Variants in LRMDA observed in about 807,000 individuals in gnomAD.
LRMDA encodes the protein leucine rich melanocyte differentiation associated.
In LRMDA, 18 loss-of-function variants were observed where a neutral mutation model predicts 29.8. That is an observed-to-expected ratio of 0.60 (90% CI 0.42 to 0.90). The LOEUF is 0.90. Among genes scored for constraint, LRMDA ranks in the 40% least tolerant of loss-of-function variants. The pLI, the probability that LRMDA is intolerant of heterozygous loss-of-function variation, is 0.00. For synonymous variants in LRMDA, 125 were observed against 109.4 expected, an observed-to-expected ratio of 1.14 and a Z score of -0.89; for missense variants, 273 against 273.9, an observed-to-expected ratio of 1.00 and a Z score of 0.02.
At chr10:76,231,717 T>C (rs959609623) in intron 5 of LRMDA, among the ~76,000 whole-genome samples, 29 of 152,128 alleles carry the variant, frequency 1.9e-4, no homozygotes, top group Admixed American at 3.9e-4. Flanking sequence ...ACCCCTCTAA[T>C]GATGAAAAAA....
At chr10:75,734,581 G>A (rs1053094577) in intron 2 of LRMDA, among the ~76,000 whole-genome samples, 8 of 152,142 alleles carry the variant, frequency 5.3e-5, no homozygotes, top group African/African-American at 1.9e-4. Context: ...AAATACATGA[G>A]TTACCATGGA....
intron 2 of LRMDA, among the ~76,000 whole-genome samples, chr10:76,023,157 A>G (rs1848005636): frequency 6.6e-6 from 1 of 151,778 alleles, no homozygotes; most frequent in Non-Finnish European, 1.5e-5. Flanking sequence ...TCCATCCATT[A>G]TGGCTTCTTA....
chr10:76,545,426 A>G (rs1843408369), intron 6 of LRMDA, among the ~76,000 whole-genome samples: 2 of 151,602 alleles, frequency 1.3e-5, no homozygotes, highest in Admixed American at 1.3e-4. Flanking sequence ...ATTTCTTCAT[A>G]CAAGATTCTG....
chr10:76,259,912 T>C (rs1248724911), intron 5 of LRMDA, among the ~76,000 whole-genome samples: 3 of 152,126 alleles, frequency 2.0e-5, no homozygotes, highest in African/African-American at 4.8e-5. Flanking sequence ...TTGCTTTTGG[T>C]TTCTCTTTGT....
chr10:76,008,315 C>T (rs1847710182), intron 2 of LRMDA, among the ~76,000 whole-genome samples: 1 of 152,150 alleles, frequency 6.6e-6, no homozygotes, highest in Admixed American at 6.5e-5. Flanking sequence ...AATAAAATAG[C>T]TTGAAATCAT....
chr10:75,626,523 C>A (rs1429077499), intron 2 of LRMDA, among the ~76,000 whole-genome samples: 1 of 152,104 alleles, frequency 6.6e-6, no homozygotes, highest in African/African-American at 2.4e-5. Context: ...AAGTGTCTTA[C>A]CAAGTTGCTA....
At chr10:76,399,579 G>A (rs923011617) in intron 6 of LRMDA, among the ~76,000 whole-genome samples, 1 of 152,142 alleles carries the variant, frequency 6.6e-6, no homozygotes, top group Non-Finnish European at 1.5e-5. Context: ...CTGAAATTTA[G>A]CATTGCTAAG....
chr10:75,467,956 T>TCACACACACACACACA (rs61295526), intron 2 of LRMDA, among the ~76,000 whole-genome samples: 21 of 129,988 alleles, frequency 1.6e-4, no homozygotes, highest in African/African-American at 3.3e-4. Context: ...TGAGACTCCG[T>TCACACACACACACACA]CACACACACA....
At chr10:75,527,401 G>A (rs1026256827) in intron 2 of LRMDA, among the ~76,000 whole-genome samples, 2 of 152,000 alleles carry the variant, frequency 1.3e-5, no homozygotes, top group Non-Finnish European at 2.9e-5. Context: ...TTGGATGTAT[G>A]CCTAGGAATA....
chr10:76,361,297 G>A (rs1270165043), intron 6 of LRMDA, among the ~76,000 whole-genome samples: 1 of 151,890 alleles, frequency 6.6e-6, no homozygotes, highest in Admixed American at 6.6e-5. Flanking sequence ...ATTAAATGAA[G>A]GGGGACCAGG....
intron 2 of LRMDA, among the ~76,000 whole-genome samples, chr10:75,843,585 A>T (rs1478800701): frequency 1.3e-5 from 2 of 152,188 alleles, no homozygotes; most frequent in East Asian, 3.9e-4. Context: ...AGCTGTGAAG[A>T]TCAGAGGAGA....
At chr10:76,316,310 A>G (rs947375386) in intron 5 of LRMDA, among the ~76,000 whole-genome samples, 1 of 152,146 alleles carries the variant, frequency 6.6e-6, no homozygotes, top group Non-Finnish European at 1.5e-5. Flanking sequence ...CCTGGTCCAG[A>G]TGCAGCCTCT....
chr10:76,066,290 A>G (rs983574665), intron 5 of LRMDA, among the ~76,000 whole-genome samples: 6 of 152,218 alleles, frequency 3.9e-5, no homozygotes, highest in African/African-American at 1.4e-4. Flanking sequence ...GATGCACAGA[A>G]ACTTCCCTGA....
chr10:76,538,451 C>CAT (rs1843313769), intron 6 of LRMDA, among the ~76,000 whole-genome samples: 1 of 140,896 alleles, frequency 7.1e-6, no homozygotes, highest in Admixed American at 7.2e-5. Context: ...GGATATCTTG[C>CAT]ATATATATGT....
At chr10:75,718,410 G>T (rs1007596930) in intron 2 of LRMDA, among the ~76,000 whole-genome samples, 1 of 152,206 alleles carries the variant, frequency 6.6e-6, no homozygotes, top group African/African-American at 2.4e-5. Flanking sequence ...GACTCAGCCA[G>T]CCCATTGTCA....
intron 2 of LRMDA, among the ~76,000 whole-genome samples, chr10:75,665,749 C>T (rs771280973): frequency 3.9e-5 from 6 of 152,156 alleles, no homozygotes; most frequent in African/African-American, 7.2e-5. Context: ...CTAGTGCATC[C>T]TTCTAGCTTA....
At chr10:75,552,486 A>G (rs758362716) in intron 2 of LRMDA, 22 of 414,688 alleles carry the variant, frequency 5.3e-5, no homozygotes, top group African/African-American at 2.6e-4. Flanking sequence ...TAGTTTTACT[A>G]TGATGAGGTG....
intron 6 of LRMDA, among the ~76,000 whole-genome samples, chr10:76,489,946 A>G (rs986381493): frequency 2.0e-5 from 3 of 151,912 alleles, no homozygotes; most frequent in Non-Finnish European, 4.4e-5. Context: ...AGCCATGCAG[A>G]TCTGTGAGTC....
At chr10:75,994,452 T>C (rs1287498344) in intron 2 of LRMDA, among the ~76,000 whole-genome samples, 2 of 152,208 alleles carry the variant, frequency 1.3e-5, no homozygotes, top group African/African-American at 2.4e-5. Context: ...CTCTTCCAGA[T>C]GGAAGGTGAT....
Sources: gnomAD v4.1 joint callset for allele counts (sites outside exome capture counted in the v4.1 genomes callset) on GRCh38, gnomAD v4.1.1 for gene constraint, MANE v1.5 for transcripts, NCBI Gene and HGNC (gene_info 2026-07-23, HGNC 2026-07-21) for gene names.